FZD7: variants seen among roughly 807,000 people sequenced by gnomAD.
The protein encoded by FZD7 is frizzled class receptor 7.
A neutral mutation model predicts 39.0 loss-of-function variants in FZD7; 21 were observed. The ratio of observed to expected loss-of-function variants is 0.54; its 90% CI spans 0.38 to 0.78. FZD7 has a LOEUF of 0.78. FZD7 is among the 30% of genes least tolerant of loss of function. FZD7 has a pLI of 0.00. For synonymous variants in FZD7, 428 were observed against 364.9 expected (o/e 1.17, Z -1.97); for missense variants, 695 against 805.0 (o/e 0.86, Z 1.65).
At position 202,033,930 on chromosome 2, in the gene FZD7, CGAGGGGCTG is replaced by C. The variant is rs1185188453; in HGVS notation, c.-710_-702del. Among the ~76,000 whole-genome samples, 76 of 149,236 alleles carry C rather than the reference CGAGGGGCTG, an allele frequency of 5.1e-4. No homozygotes were observed. The highest frequency in any genetic ancestry group is 1.9e-4 in the Non-Finnish European group (13 of 67,194). ...GCGCCAGGACTCGCTGCTGGGGCTG[CGAGGGGCTG>C]GAGGGGCCGGGGCCAGGCCGCGGGC... On this transcript the variant is annotated 5_prime_UTR_variant, in exon 1 of 1. Transcript: ENST00000286201.
In FZD7 at chr2:202,034,627, C is replaced by A. The variant is rs745797702; in HGVS notation, c.-21C>A. 2 of 1,534,118 alleles carry A rather than the reference C, an allele frequency of 1.3e-6. No individual in the cohort carries two copies. Among genetic ancestry groups the A allele is most frequent in the African/African-American group, 1.4e-5 (1 of 72,654 alleles). On this transcript the variant is annotated 5_prime_UTR_variant, in exon 1 of 1. Transcript: ENST00000286201. The stretch of plus-strand genomic sequence containing the variant: ...CGTCGCACTCCTCAGGCTGAGAGCA[C>A]CGCTGCACTCGCGGCCGGCGATGCG...
rs1212331371 is a variant in FZD7, at chr2:202,034,281, G to C, written c.-367G>C. Among the ~76,000 whole-genome samples the C allele has an allele frequency of 2.6e-5, 4 of 151,814 alleles. No individual in the cohort carries two copies. Among genetic ancestry groups the C allele is most frequent in the African/African-American group, 9.7e-5 (4 of 41,396 alleles). ...GGGCGTGCGCGCTGCGGTGCGCCGG[G>C]GGTCCAGAGTCTTGGGCAAACTTTG... On this transcript the variant is annotated 5_prime_UTR_variant, in exon 1 of 1. Coordinates refer to ENST00000286201, the MANE Select transcript of FZD7 (RefSeq NM_003507.2).
In FZD7 at chr2:202,036,421, G is replaced by C; in HGVS notation, c.*49G>C. ...CCACCCCAGCCCTCTTGCAAGAGGA[G>C]AGGCACGGTAGGGAAAAGAACTGCT... is the stretch of plus-strand genomic sequence containing the variant. On this transcript the variant is annotated 3_prime_UTR_variant, in exon 1 of 1. Coordinates refer to ENST00000286201, the MANE Select transcript of FZD7 (RefSeq NM_003507.2). The C allele has an allele frequency of 7.0e-7, 1 of 1,427,106 alleles. No individual in the cohort carries two copies. Among genetic ancestry groups the C allele is most frequent in the Non-Finnish European group, 9.7e-7 (1 of 1,032,938 alleles). The allele number at this position is 1,427,106 out of a possible 1,614,324, so 88.4% of individuals were successfully genotyped here.
Position 202,036,096 on chromosome 2 carries a change from C to T in FZD7, c.1449C>T (p.Thr483=). Residue 483 remains threonine, a synonymous_variant, in exon 1 of 1, where the codon ACC becomes ACT. Transcript: ENST00000286201. ...VFSVLYTVPA[T]IVLACYFYEQ... is the part of the protein sequence containing the mutation. ...GCGTGCTCTACACAGTGCCCGCCAC[C>T]ATCGTCCTGGCCTGCTACTTCTACG... 6.2e-7 allele frequency: 1 copy of T among 1,614,004 alleles called. No individual in the cohort carries two copies. The highest frequency in any genetic ancestry group is 1.1e-5 in the South Asian group (1 of 91,084).
Position 202,034,656 on chromosome 2 carries a change from C to A in FZD7, c.9C>A (p.Asp3Glu). 6.4e-7 allele frequency: 1 copy of A among 1,561,048 alleles called. No individual in the cohort carries two copies. The highest frequency in any genetic ancestry group is 8.6e-7 in the Non-Finnish European group (1 of 1,162,888). Residue 3 changes from aspartate to glutamate, a missense_variant, in exon 1 of 1, where the codon GAC becomes GAA. Transcript: ENST00000286201. MR[D>E]PGAAAPLSSL... is the part of the protein sequence containing the mutation. The stretch of plus-strand genomic sequence containing the variant: ...TGCACTCGCGGCCGGCGATGCGGGA[C>A]CCCGGCGCGGCCGCTCCGCTTTCGT...
rs968430715 is a variant in FZD7, at chr2:202,034,033, C to A, written c.-615C>A. Among the ~76,000 whole-genome samples, 2 of 152,062 alleles carry A rather than the reference C, an allele frequency of 1.3e-5. No individual in the cohort carries two copies. The highest frequency in any genetic ancestry group is 4.8e-5 in the African/African-American group (2 of 41,542). The stretch of plus-strand genomic sequence containing the variant: ...AAAAGAACTCGCCGTGCTCCCGACT[C>A]CGGGGCCGAGATCGGACTCAGCAAG... On this transcript the variant is annotated 5_prime_UTR_variant, in exon 1 of 1. Transcript: ENST00000286201.
Position 202,035,158 on chromosome 2 carries a change from G to C in FZD7, c.511G>C (p.Gly171Arg), listed in dbSNP as rs767389004. 6.2e-7 allele frequency: 1 copy of C among 1,602,230 alleles called. No individual in the cohort carries two copies. The highest frequency in any genetic ancestry group is 8.5e-7 in the Non-Finnish European group (1 of 1,179,456). ...CCAGAACACGTCGGACGGCTCCGGG[G>C]GCCCAGGCGGCGGCCCCACTGCCTA... Reference protein sequence around the residue: ...VGQNTSDGSGGPGGGPTAYPT... With the variant: ...VGQNTSDGSGRPGGGPTAYPT... The change falls in exon 1 of 1, where the codon GGC becomes CGC. Residue 171 changes from glycine to arginine, a missense_variant. Coordinates refer to ENST00000286201, the MANE Select transcript of FZD7 (RefSeq NM_003507.2).
rs748369771 is a variant in FZD7, at chr2:202,034,735, G to A, written c.88G>A (p.Ala30Thr). The A allele has an allele frequency of 2.5e-6, 4 of 1,611,884 alleles. No homozygotes were observed. In the Admixed American group the frequency reaches 6.7e-5, roughly 27 times the overall value. ...LALLGALSAGAGAQPYHGEKG... is the reference protein window; with the variant it reads ...LALLGALSAGTGAQPYHGEKG... ...GCTGCTGGGCGCACTGTCCGCGGGC[G>A]CCGGGGCGCAGCCGTACCACGGAGA... The change falls in exon 1 of 1, where the codon GCC becomes ACC. Residue 30 changes from alanine to threonine, a missense_variant. Ala to Thr is a moderately conservative substitution (Grantham distance 58, BLOSUM62 0). Coordinates refer to ENST00000286201, the MANE Select transcript of FZD7 (RefSeq NM_003507.2).
Position 202,034,091 on chromosome 2 carries a change from C to T in FZD7, c.-557C>T, listed in dbSNP as rs1688690448. On this transcript the variant is annotated 5_prime_UTR_variant, in exon 1 of 1. Coordinates refer to ENST00000286201, the MANE Select transcript of FZD7 (RefSeq NM_003507.2). ...CGTTTGGCTGAAACTTGGGGCCGAG[C>T]TTTTGGGGCTGAAGAAGGAGCGGGG... 6.6e-6 allele frequency among the ~76,000 whole-genome samples: 1 copy of T among 151,870 alleles called. No individual in the cohort carries two copies. The highest frequency in any genetic ancestry group is 2.1e-4 in the South Asian group (1 of 4,824).
rs769095759 is a variant in FZD7, at chr2:202,035,034, G to A, written c.387G>A (p.Gln129=). Reference sequence around the variant, plus strand: ...GTTCTCTGTGCGAGCGCGCCCGCCAGGGCTGCGAGGCGCTCATGAACAAGT... The same window carrying A: ...GTTCTCTGTGCGAGCGCGCCCGCCAAGGCTGCGAGGCGCTCATGAACAAGT... ...PCRSLCERAR[Q]GCEALMNKFG... The change falls in exon 1 of 1, where the codon CAG becomes CAA. Residue 129 remains glutamine (Q), a synonymous_variant. Transcript: ENST00000286201. 1.2e-6 allele frequency: 2 copies of A among 1,613,306 alleles called. No homozygotes were observed. Among genetic ancestry groups the A allele is most frequent in the South Asian group, 1.1e-5 (1 of 91,054 alleles).
At position 202,034,251 on chromosome 2, in the gene FZD7, GCGGGGGGCGTGCGCGCTGCGGTGCGC is replaced by G. The variant is rs987724844; in HGVS notation, c.-390_-365del. Reference sequence around the variant, plus strand: ...TCTCCTAGCGGGGACCGGACCAGGCGCGGGGGGCGTGCGCGCTGCGGTGCGCCGGGGGTCCAGAGTCTTGGGCAAAC... The same window carrying G: ...TCTCCTAGCGGGGACCGGACCAGGCGCGGGGGTCCAGAGTCTTGGGCAAAC... On this transcript the variant is annotated 5_prime_UTR_variant, in exon 1 of 1. Coordinates refer to ENST00000286201, the MANE Select transcript of FZD7 (RefSeq NM_003507.2). Among the ~76,000 whole-genome samples, 5 of 151,868 alleles carry G rather than the reference GCGGGGGGCGTGCGCGCTGCGGTGCGC, an allele frequency of 3.3e-5. No homozygotes were observed. Among genetic ancestry groups the G allele is most frequent in the African/African-American group, 1.2e-4 (5 of 41,412 alleles).
At position 202,035,289 on chromosome 2, in the gene FZD7, C is replaced by G; in HGVS notation, c.642C>G (p.Leu214=). 1.9e-6 allele frequency: 3 copies of G among 1,608,026 alleles called. No individual in the cohort carries two copies. Among genetic ancestry groups the G allele is most frequent in the Non-Finnish European group, 2.5e-6 (3 of 1,179,174 alleles). The stretch of plus-strand genomic sequence containing the variant: ...TCCCCTTCTCATGCCCCCGTCAGCT[C>G]AAGGTGCCCCCGTACCTGGGCTACC... ...PAFPFSCPRQ[L]KVPPYLGYRF... is the part of the protein sequence containing the mutation. Residue 214 remains leucine (L), a synonymous_variant, in exon 1 of 1, where the codon CTC becomes CTG. Transcript: ENST00000286201.
chr2:202,034,842 C>T lies in FZD7; in HGVS notation c.195C>T (p.Thr65=), dbSNP rs141021254. ...GCACGGACATCGCCTACAACCAGAC[C>T]ATCCTGCCCAACCTGCTGGGCCACA... ...PLCTDIAYNQ[T]ILPNLLGHTN... is the part of the protein sequence containing the mutation. The change falls in exon 1 of 1, where the codon ACC becomes ACT. Residue 65 remains threonine, a synonymous_variant. Transcript: ENST00000286201. 2.2e-5 allele frequency: 35 copies of T among 1,614,014 alleles called. No individual in the cohort carries two copies. In the African/African-American group the frequency reaches 4.1e-4, roughly 19 times the overall value.
In FZD7 at chr2:202,035,383, A is replaced by G. The variant is rs778438593; in HGVS notation, c.736A>G (p.Lys246Glu). Residue 246 changes from lysine to glutamate, a missense_variant, in exon 1 of 1, where the codon AAG becomes GAG. Transcript: ENST00000286201. ...CCGTGCCAACGGCCTGATGTACTTT[A>G]AGGAGGAGGAGAGGCGCTTCGCCCG... ...PGRANGLMYF[K>E]EEERRFARLW... is the part of the protein sequence containing the mutation. 11 of 1,613,160 alleles carry G rather than the reference A, an allele frequency of 6.8e-6. No individual in the cohort carries two copies. Among genetic ancestry groups the G allele is most frequent in the Admixed American group, 5.0e-5 (3 of 60,036 alleles).
rs534753981 is a variant in FZD7 at position 202,034,030 on chromosome 2, A to G, written c.-618A>G. On this transcript the variant is annotated 5_prime_UTR_variant, in exon 1 of 1. Coordinates refer to ENST00000286201, the MANE Select transcript of FZD7 (RefSeq NM_003507.2). The stretch of plus-strand genomic sequence containing the variant: ...CCAAAAAGAACTCGCCGTGCTCCCG[A>G]CTCCGGGGCCGAGATCGGACTCAGC... 6.6e-6 allele frequency among the ~76,000 whole-genome samples: 1 copy of G among 151,660 alleles called. No individual in the cohort carries two copies. The highest frequency in any genetic ancestry group is 2.4e-5 in the African/African-American group (1 of 41,378).
chr2:202,035,799 C>T lies in FZD7; in HGVS notation c.1152C>T (p.Ala384=). ...IEANSQYFHL[A]AWAVPAVKTI... ...CCAACTCGCAGTACTTCCACCTGGC[C>T]GCGTGGGCCGTGCCCGCCGTCAAGA... The change falls in exon 1 of 1, where the codon GCC becomes GCT. Residue 384 remains alanine (A), a synonymous_variant. Transcript: ENST00000286201. 6.2e-7 allele frequency: 1 copy of T among 1,614,078 alleles called. No homozygotes were observed. Among genetic ancestry groups the T allele is most frequent in the African/African-American group, 1.3e-5 (1 of 75,080 alleles).
rs1331138761 is a variant in FZD7, at chr2:202,037,345, GGTT to G, written c.*977_*979del. 2 of 167,200 alleles carry G rather than the reference GGTT, an allele frequency of 1.2e-5. No homozygotes were observed. Among genetic ancestry groups the G allele is most frequent in the African/African-American group, 4.8e-5 (2 of 41,580 alleles). 10.4% of individuals were successfully genotyped at this position (167,200 alleles called of 1,614,324 possible). A position where few individuals can be genotyped will look rare whatever the true frequency, so the allele number is the denominator to read the frequency against. ...CAGCGCAAATCTGAGGTTTCCCGTT[GGTT>G]GTTAATTTGGTTGAGATAAACATTC... On this transcript the variant is annotated 3_prime_UTR_variant, in exon 1 of 1. Coordinates refer to ENST00000286201, the MANE Select transcript of FZD7 (RefSeq NM_003507.2).
At position 202,034,505 on chromosome 2, in the gene FZD7, G is replaced by C. The variant is rs1688703631; in HGVS notation, c.-143G>C. ...GGGCACCCAGGCGGCAGCGCCCTTT[G>C]CTCCACGCCGCCCACGGCCCGGCCC... On this transcript the variant is annotated 5_prime_UTR_variant, in exon 1 of 1. Coordinates refer to ENST00000286201, the MANE Select transcript of FZD7 (RefSeq NM_003507.2). The C allele has an allele frequency of 8.2e-6, 5 of 609,208 alleles. No homozygotes were observed. In the Admixed American group the frequency reaches 1.7e-4, roughly 21 times the overall value. 37.7% of individuals were successfully genotyped at this position (609,208 alleles called of 1,614,324 possible).
At position 202,035,584 on chromosome 2, in the gene FZD7, G is replaced by C; in HGVS notation, c.937G>C (p.Ala313Pro). The C allele has an allele frequency of 6.2e-7, 1 of 1,614,080 alleles. No homozygotes were observed. The highest frequency in any genetic ancestry group is 2.2e-5 in the East Asian group (1 of 44,866). The stretch of plus-strand genomic sequence containing the variant: ...GGCCGGCTTCCTTCTAGAGGACCGC[G>C]CCGTGTGCGTGGAGCGCTTCTCGGA... The part of the protein sequence containing the change: ...HVAGFLLEDR[A>P]VCVERFSDDG... Residue 313 changes from alanine to proline, a missense_variant, in exon 1 of 1, where the codon GCC (alanine) becomes CCC (proline). By Grantham distance (27) the Ala-to-Pro change is conservative (BLOSUM62 -1). Coordinates refer to ENST00000286201, the MANE Select transcript of FZD7 (RefSeq NM_003507.2).
Sources: allele counts gnomAD v4.1 joint callset (sites outside exome capture counted in the v4.1 genomes callset), GRCh38; gene constraint gnomAD v4.1.1; transcripts MANE v1.5; gene names NCBI Gene and HGNC (gene_info 2026-07-23, HGNC 2026-07-21).